TRPC3: variants seen among roughly 807,000 people sequenced by gnomAD.
TRPC3 encodes short transient receptor potential channel 3.
TRPC3 carries 54 observed loss-of-function variants against 90.9 expected under a neutral mutation model. That is an observed-to-expected ratio of 0.59 (90% CI 0.48 to 0.75). TRPC3 has a LOEUF of 0.75. Among genes scored for constraint, TRPC3 ranks in the 30% least tolerant of loss-of-function variants. TRPC3 has a pLI of 0.00. For missense variants in TRPC3, 918 were observed against 1,194.5 expected (o/e 0.77, Z 3.41); for synonymous variants, 424 against 450.9 (o/e 0.94, Z 0.75).
chr4:121,887,199 T>C lies in TRPC3; in HGVS notation c.2548-4770A>G, dbSNP rs112904859. Among the ~76,000 whole-genome samples the C allele has an allele frequency of 3.6e-3, 555 of 152,348 alleles. 5 individuals carry two copies. Among genetic ancestry groups the C allele is most frequent in the African/African-American group, 0.01 (427 of 41,590 alleles). On this transcript the variant is annotated intron_variant, in intron 10 of 11. Transcript: ENST00000379645. ...TAGTTCAGACTGCTCTGAGCTATTTTTGTTTTCTCTATTCCCAAACCATTT... is the reference window on the plus strand; with the variant it reads ...TAGTTCAGACTGCTCTGAGCTATTTCTGTTTTCTCTATTCCCAAACCATTT...
rs1727781922 is a variant in TRPC3 at position 121,877,073 on chromosome 4, T to C, written c.*2663A>G. 6.6e-6 allele frequency among the ~76,000 whole-genome samples: 1 copy of C among 152,186 alleles called. No homozygotes were observed. Among genetic ancestry groups the C allele is most frequent in the African/African-American group, 2.4e-5 (1 of 41,440 alleles). On this transcript the variant is annotated 3_prime_UTR_variant, in exon 12 of 12. Coordinates refer to ENST00000379645, the MANE Select transcript of TRPC3 (RefSeq NM_001130698.2). ...GGTTTGTTTTCCCAAAGGTACCTGT[T>C]AAAAGTGACTAGGGAAAAGACTTGC...
At chr4:121,896,806 G>C (rs565066080) in intron 10 of TRPC3, among the ~76,000 whole-genome samples, 1 of 151,706 alleles carries the variant, frequency 6.6e-6, no homozygotes, top group African/African-American at 2.4e-5. Context: ...AAAATTTGTA[G>C]GGAATCATAA....
rs958792622 is a variant in TRPC3 at position 121,951,065 on chromosome 4, C to T, written c.215+401G>A. Among the ~76,000 whole-genome samples, 3 of 152,188 alleles carry T rather than the reference C, an allele frequency of 2.0e-5. No homozygotes were observed. The highest frequency in any genetic ancestry group is 7.2e-5 in the African/African-American group (3 of 41,458). ...GCACATCTTCCCCTTCCTCGGCCTCCCTGGGTAAGCTCGGGACCCCGGGGT... is the reference window on the plus strand; with the variant it reads ...GCACATCTTCCCCTTCCTCGGCCTCTCTGGGTAAGCTCGGGACCCCGGGGT... On this transcript the variant is annotated intron_variant, in intron 1 of 11. Coordinates refer to ENST00000379645, the MANE Select transcript of TRPC3 (RefSeq NM_001130698.2). This position sits in a 1 kb window ranked among gnomAD's most constrained non-coding sequence, Gnocchi z 4.4.
At chr4:121,910,109 A>C (rs1422153739) in intron 6 of TRPC3, 45 bp downstream of exon 6, 3 of 1,541,706 alleles carry the variant, frequency 1.9e-6, no homozygotes, top group Non-Finnish European at 2.7e-6. Context: ...TGTGGTTCCA[A>C]TACCTTTCCC....
intron 1 of TRPC3, among the ~76,000 whole-genome samples, chr4:121,937,763 A>G (rs1264757964): frequency 6.6e-6 from 1 of 151,100 alleles, no homozygotes; most frequent in Non-Finnish European, 1.5e-5. Flanking sequence ...TATAACCCTC[A>G]CTCCCCTGCC....
rs377662018 is a variant in TRPC3, at chr4:121,902,856, G to A, written c.2459C>T (p.Ser820Phe). 1.7e-5 allele frequency: 27 copies of A among 1,604,486 alleles called. No individual in the cohort carries two copies. The highest frequency in any genetic ancestry group is 2.2e-5 in the Non-Finnish European group (26 of 1,176,028). The change falls in exon 9 of 12, where the codon TCC (serine) becomes TTC (phenylalanine). Residue 820 changes from serine to phenylalanine, a missense_variant. Physicochemically the swap from Ser to Phe is radical, Grantham distance 155. This residue lies in a region of TRPC3 where 121 missense variants were observed against 135.7 expected (regional missense o/e 0.89). Transcript: ENST00000379645. ...TGGTAAGTTTTCGATACCTACCCTGGACTTTGAGTTACCCATTCCCATTTC... is the reference window on the plus strand; with the variant it reads ...TGGTAAGTTTTCGATACCTACCCTGAACTTTGAGTTACCCATTCCCATTTC... ...DIEMGMGNSK[S>F]RLNLFTQSNS... is the part of the protein sequence containing the mutation.
At position 121,892,350 on chromosome 4, in the gene TRPC3, G is replaced by A. The variant is rs532211714; in HGVS notation, c.2547+7262C>T. Among the ~76,000 whole-genome samples the A allele has an allele frequency of 2.0e-5, 3 of 152,274 alleles. No individual in the cohort carries two copies. The East Asian group carries it at 5.8e-4, about 29-fold the overall frequency. Reference sequence around the variant, plus strand: ...TATTTTCCAGGCTCCATTGCAGATAGGTGGTTTGTGCAACTTTACAGAAAT... The same window carrying A: ...TATTTTCCAGGCTCCATTGCAGATAAGTGGTTTGTGCAACTTTACAGAAAT... On this transcript the variant is annotated intron_variant, in intron 10 of 11. Transcript: ENST00000379645.
At chr4:121,929,601 G>A (rs539453297) in intron 2 of TRPC3, among the ~76,000 whole-genome samples, 5 of 152,036 alleles carry the variant, frequency 3.3e-5, no homozygotes, top group East Asian at 1.9e-4. Context: ...ACCTGTCACC[G>A]AGCTATCCTC....
intron 10 of TRPC3, among the ~76,000 whole-genome samples, chr4:121,898,500 C>T (rs948561500): frequency 2.0e-5 from 3 of 152,188 alleles, no homozygotes; most frequent in Non-Finnish European, 4.4e-5. Context: ...TGAGGTGGAA[C>T]ACTTTCACCC....
At chr4:121,890,007 T>C (rs918387782) in intron 10 of TRPC3, among the ~76,000 whole-genome samples, 2 of 152,196 alleles carry the variant, frequency 1.3e-5, no homozygotes, top group South Asian at 4.1e-4. Context: ...CTTTTTGTCT[T>C]TGTGGCAACT....
chr4:121,901,820 T>C (rs559138424), intron 9 of TRPC3, among the ~76,000 whole-genome samples: 1 of 152,212 alleles, frequency 6.6e-6, no homozygotes, highest in Admixed American at 6.5e-5. Flanking sequence ...CTTTGTCTTA[T>C]ACTGCTTCTC....
intron 6 of TRPC3, among the ~76,000 whole-genome samples, chr4:121,908,522 T>C (rs988794607): frequency 3.3e-5 from 5 of 152,254 alleles, no homozygotes; most frequent in African/African-American, 1.2e-4. Context: ...GTGGTACATA[T>C]ACTCCATGGA....
Position 121,907,419 on chromosome 4 carries a change from T to A in TRPC3, c.1941A>T (p.Val647=), listed in dbSNP as rs770970191. The change falls in exon 7 of 12, where the codon GTA becomes GTT. Residue 647 remains valine (V), a synonymous_variant. Transcript: ENST00000379645. ...GPLQISLGRT[V]KDIFKFMVLF... ...GGACCATGAACTTGAATATGTCCTT[T>A]ACAGTCCTTCCAAGAGAGATCTGCA... The A allele has an allele frequency of 6.2e-7, 1 of 1,613,470 alleles. No individual in the cohort carries two copies. The highest frequency in any genetic ancestry group is 2.2e-5 in the East Asian group (1 of 44,866).
intron 1 of TRPC3, among the ~76,000 whole-genome samples, chr4:121,948,465 T>A (rs371162346): frequency 6.6e-6 from 1 of 152,266 alleles, no homozygotes; most frequent in South Asian, 2.1e-4. Context: ...ATCTCCTAAT[T>A]TGTCTCTTCA....
At chr4:121,925,819 ATTAT>A (rs764278943) in intron 2 of TRPC3, among the ~76,000 whole-genome samples, 9 of 152,224 alleles carry the variant, frequency 5.9e-5, no homozygotes, top group Non-Finnish European at 1.3e-4. Context: ...ATATACAATA[ATTAT>A]TTGTCAATTA....
chr4:121,881,730 T>C (rs1247693898), intron 11 of TRPC3, among the ~76,000 whole-genome samples: 1 of 152,182 alleles, frequency 6.6e-6, no homozygotes, highest in Non-Finnish European at 1.5e-5. Context: ...GGGCAACTTA[T>C]TTCTCCCTGG....
chr4:121,930,850 A>AC (rs1363408551), intron 2 of TRPC3: 2 of 400,512 alleles, frequency 5.0e-6, no homozygotes, highest in Middle Eastern at 3.6e-4. Context: ...AAAAAAAAAA[A>AC]AAACATTTTG....
intron 5 of TRPC3, 25 bp from the exon 6 acceptor site, chr4:121,910,412 C>T: frequency 6.3e-7 from 1 of 1,598,062 alleles, no homozygotes; most frequent in Non-Finnish European, 8.6e-7. Flanking sequence ...ACAGAGGGTG[C>T]AGGTCAGATT....
At chr4:121,944,947 G>C (rs1730436345) in intron 1 of TRPC3, among the ~76,000 whole-genome samples, 1 of 152,224 alleles carries the variant, frequency 6.6e-6, no homozygotes, top group South Asian at 2.1e-4. Context: ...CAGATGGCCT[G>C]GGGCTGCTGT....
Sources: allele counts gnomAD v4.1 joint callset (sites outside exome capture counted in the v4.1 genomes callset), GRCh38; gene constraint gnomAD v4.1.1; regional missense constraint gnomAD v4.1.1; non-coding constraint Gnocchi (gnomAD v3.1); transcripts MANE v1.5; gene names NCBI Gene and HGNC (gene_info 2026-07-23, HGNC 2026-07-21).